Variants in MYOCOS observed in about 807,000 individuals in gnomAD.
The protein encoded by MYOCOS is myocilin opposite strand.
chr1:171,601,330 G>T (rs901168827), intron 1 of MYOCOS, among the ~76,000 whole-genome samples: 1 of 152,134 alleles, frequency 6.6e-6, no homozygotes, highest in Non-Finnish European at 1.5e-5. Flanking sequence ...GGACACTTTG[G>T]TTTTAGTTTT....
At chr1:171,602,235 GA>G (rs960606178) in intron 1 of MYOCOS, among the ~76,000 whole-genome samples, 3 of 152,066 alleles carry the variant, frequency 2.0e-5, no homozygotes, top group East Asian at 1.9e-4. Flanking sequence ...AGTCGTGAAA[GA>G]AAAAATGTTA....
intron 1 of MYOCOS, among the ~76,000 whole-genome samples, chr1:171,611,594 C>T (rs1246911211): frequency 1.3e-5 from 2 of 152,190 alleles, no homozygotes; most frequent in Non-Finnish European, 2.9e-5. Context: ...AGGTCTTCTG[C>T]TTAGTATCAA....
intron 2 of MYOCOS, among the ~76,000 whole-genome samples, chr1:171,616,552 T>TAAA (rs1558081047): frequency 4.0e-5 from 6 of 151,544 alleles, no homozygotes. Context: ...AATAAATAAA[T>TAAA]AACAACAACA....
At chr1:171,621,382 T>TG (rs1012851890), upstream of MYOCOS, among the ~76,000 whole-genome samples, 14 of 147,496 alleles carry the variant, frequency 9.5e-5, no homozygotes, top group African/African-American at 3.0e-4. Context: ...GGGTTTTTTT[T>TG]TTTTTTTTTT....
intron 1 of MYOCOS, among the ~76,000 whole-genome samples, chr1:171,609,169 T>A (rs1423818629): frequency 2.0e-5 from 3 of 152,146 alleles, no homozygotes; most frequent in East Asian, 3.9e-4. Flanking sequence ...TCTGAGAGGG[T>A]CTAAGCCCTT....
chr1:171,616,425 A>T (rs1652452168), intron 2 of MYOCOS, among the ~76,000 whole-genome samples: 1 of 151,984 alleles, frequency 6.6e-6, no homozygotes, highest in Non-Finnish European at 1.5e-5. Flanking sequence ...CTGTAATCCC[A>T]GCTACTGGGG....
chr1:171,605,141 T>C (rs1477097196), intron 1 of MYOCOS, among the ~76,000 whole-genome samples: 1 of 151,936 alleles, frequency 6.6e-6, no homozygotes, highest in Non-Finnish European at 1.5e-5. Flanking sequence ...TGTCACTTCA[T>C]GTTACGTTTG....
At chr1:171,608,139 G>A (rs1349058715) in intron 1 of MYOCOS, among the ~76,000 whole-genome samples, 2 of 152,172 alleles carry the variant, frequency 1.3e-5, no homozygotes, top group East Asian at 1.9e-4. Context: ...GGAATTATGG[G>A]AGATACAATT....
chr1:171,618,937 A>T (rs1186336280), upstream of MYOCOS, among the ~76,000 whole-genome samples: 1 of 152,098 alleles, frequency 6.6e-6, no homozygotes, highest in African/African-American at 2.4e-5. Context: ...TTTTGACATG[A>T]GTATCCTCAC....
At chr1:171,624,102 G>A (rs1652631529) in intron 2 of MYOCOS, 124 bp downstream of exon 2, 1 of 397,348 alleles carries the variant, frequency 2.5e-6, no homozygotes, top group Non-Finnish European at 4.4e-6. Flanking sequence ...GCTGCTGCAA[G>A]ACACATTTCA....
intron 1 of MYOCOS, among the ~76,000 whole-genome samples, chr1:171,607,453 G>C (rs1652272607): frequency 6.6e-6 from 1 of 152,078 alleles, no homozygotes; most frequent in Non-Finnish European, 1.5e-5. Context: ...GTGTCTCAAG[G>C]TATGAGAAAA....
chr1:171,614,051 T>A (rs990325552), intron 1 of MYOCOS, among the ~76,000 whole-genome samples: 6 of 152,212 alleles, frequency 3.9e-5, no homozygotes, highest in African/African-American at 1.4e-4. Flanking sequence ...AATCTTGAGA[T>A]AATGCACCTG....
intron 1 of MYOCOS, among the ~76,000 whole-genome samples, chr1:171,613,539 G>C (rs1016026899): frequency 6.7e-6 from 1 of 149,692 alleles, no homozygotes; most frequent in Non-Finnish European, 1.5e-5. Flanking sequence ...AACATTCTCT[G>C]TGATGCATTT....
intron 1 of MYOCOS, among the ~76,000 whole-genome samples, chr1:171,611,453 G>C (rs1540328): frequency 0.41 from 62,361 of 151,956 alleles, 13,176 homozygotes; most frequent in East Asian, 0.58. Flanking sequence ...ATTTCAAGTA[G>C]TTCTATTACT....
chr1:171,617,112 G>A (rs1206291669), intron 2 of MYOCOS, among the ~76,000 whole-genome samples: 2 of 152,172 alleles, frequency 1.3e-5, no homozygotes, highest in Admixed American at 1.3e-4. Context: ...ACACAGCTGT[G>A]TGGGAGCCAC....
chr1:171,613,090 A>G (rs1265593986), intron 1 of MYOCOS, among the ~76,000 whole-genome samples: 2 of 152,152 alleles, frequency 1.3e-5, no homozygotes, highest in African/African-American at 4.8e-5. Flanking sequence ...GTATTCCACA[A>G]TCTTCAAAAT....
upstream of MYOCOS, among the ~76,000 whole-genome samples, chr1:171,619,497 G>A (rs764946957): frequency 2.1e-4 from 32 of 152,156 alleles, no homozygotes; most frequent in Non-Finnish European, 4.3e-4. Flanking sequence ...CTCAGATTTT[G>A]TTTCAAAAGC....
intron 1 of MYOCOS, among the ~76,000 whole-genome samples, chr1:171,614,020 T>A (rs1294360355): frequency 6.6e-6 from 1 of 152,186 alleles, no homozygotes; most frequent in African/African-American, 2.4e-5. Context: ...TTATAATTAG[T>A]AGTTCCCCTG....
intron 1 of MYOCOS, among the ~76,000 whole-genome samples, chr1:171,612,834 A>G (rs566794110): frequency 6.6e-6 from 1 of 152,224 alleles, no homozygotes; most frequent in African/African-American, 2.4e-5. Flanking sequence ...CCATCTCAAA[A>G]AAAACAAAAC....
Sources: allele counts gnomAD v4.1 joint callset (sites outside exome capture counted in the v4.1 genomes callset), GRCh38; gene constraint gnomAD v4.1.1; transcripts MANE v1.5; gene names NCBI Gene and HGNC (gene_info 2026-07-23, HGNC 2026-07-21).